STX8: variants seen among roughly 807,000 people sequenced by gnomAD.
STX8 encodes the protein syntaxin 8.
In STX8, 23 loss-of-function variants were observed where a neutral mutation model predicts 37.5. The ratio of observed to expected loss-of-function variants is 0.61; its 90% CI spans 0.44 to 0.87. STX8 has a LOEUF of 0.87. Ranked by LOEUF, STX8 falls within the 40% of genes least tolerant of loss-of-function variation. STX8 has a pLI of 0.00. For missense variants in STX8, 313 were observed against 284.7 expected (o/e 1.10, Z -0.71); for synonymous variants, 115 against 99.1 (o/e 1.16, Z -0.95).
intron 5 of STX8, among the ~76,000 whole-genome samples, chr17:9,504,444 A>ATTCCC (rs1204295398): frequency 6.6e-6 from 1 of 152,108 alleles, no homozygotes; most frequent in African/African-American, 2.4e-5. Context: ...TTGGAGACTA[A>ATTCCC]TTCCCAGTCG....
chr17:9,429,242 A>G (rs2142364399), intron 6 of STX8, among the ~76,000 whole-genome samples: 1 of 148,664 alleles, frequency 6.7e-6, no homozygotes, highest in East Asian at 1.9e-4. Flanking sequence ...TGAGATATAT[A>G]TATCTAAAAT....
intron 6 of STX8, among the ~76,000 whole-genome samples, chr17:9,452,930 C>T (rs1207947896): frequency 6.6e-6 from 1 of 152,002 alleles, no homozygotes; most frequent in African/African-American, 2.4e-5. Flanking sequence ...CTCAACCTCC[C>T]CAGTAGCTGG....
At chr17:9,345,848 C>CTTTGTTTTTTTTTTTTTT (rs1555599095) in intron 7 of STX8, among the ~76,000 whole-genome samples, 1 of 52,076 alleles carries the variant, frequency 1.9e-5, no homozygotes, top group Non-Finnish European at 3.4e-5. Context: ...TTATGCATTC[C>CTTTGTTTTTTTTTTTTTT]TTTTTTTTTT....
chr17:9,271,355 G>T (rs1907451380), intron 7 of STX8, among the ~76,000 whole-genome samples: 1 of 152,234 alleles, frequency 6.6e-6, no homozygotes, highest in African/African-American at 2.4e-5. Flanking sequence ...TCAGGTGGCT[G>T]AAGGATGAGA....
At chr17:9,516,715 C>T (rs887774069) in intron 4 of STX8, among the ~76,000 whole-genome samples, 3 of 151,950 alleles carry the variant, frequency 2.0e-5, no homozygotes, top group Admixed American at 6.6e-5. Context: ...TAGGAAAATA[C>T]GAAAAATAAT....
At chr17:9,362,694 C>A (rs1007865600) in intron 7 of STX8, among the ~76,000 whole-genome samples, 1 of 151,662 alleles carries the variant, frequency 6.6e-6, no homozygotes, top group African/African-American at 2.4e-5. Flanking sequence ...TGGTGGCGGG[C>A]GCCTGTAGTC....
At chr17:9,448,174 C>A (rs1397478886) in intron 6 of STX8, among the ~76,000 whole-genome samples, 258 of 140,202 alleles carry the variant, frequency 1.8e-3, no homozygotes, top group Middle Eastern at 3.6e-3. Flanking sequence ...GACTCCATCT[C>A]AAAAAAAAAA....
intron 7 of STX8, among the ~76,000 whole-genome samples, chr17:9,253,097 TTTCCTTTC>T (rs1906648901): frequency 6.6e-6 from 1 of 152,194 alleles, no homozygotes; most frequent in Non-Finnish European, 1.5e-5. Context: ...CATCTAGGGA[TTTCCTTTC>T]TTCCTTGTAA....
chr17:9,268,613 G>A (rs1907318614), intron 7 of STX8, among the ~76,000 whole-genome samples: 1 of 152,180 alleles, frequency 6.6e-6, no homozygotes, highest in Admixed American at 6.5e-5. Flanking sequence ...ATCCCTAAAA[G>A]TGGTCCTTCA....
intron 6 of STX8, among the ~76,000 whole-genome samples, chr17:9,430,522 C>T (rs1913918102): frequency 6.6e-6 from 1 of 151,852 alleles, no homozygotes. Flanking sequence ...CTTCCAGGTT[C>T]ATATATGTAA....
At chr17:9,502,890 G>A (rs1008944600) in intron 5 of STX8, among the ~76,000 whole-genome samples, 4 of 151,934 alleles carry the variant, frequency 2.6e-5, no homozygotes, top group Non-Finnish European at 4.4e-5. Flanking sequence ...ATCGCTTGAG[G>A]TCAGGAGTTC....
chr17:9,285,413 TA>T (rs56156370), intron 7 of STX8, among the ~76,000 whole-genome samples: 3,557 of 108,386 alleles, frequency 0.033, 99 homozygotes, highest in African/African-American at 0.11. Context: ...AAAGTAGTGA[TA>T]AAAAAAAAAA....
At chr17:9,392,464 G>T (rs566116478) in intron 6 of STX8, among the ~76,000 whole-genome samples, 22 of 152,122 alleles carry the variant, frequency 1.4e-4, no homozygotes, top group East Asian at 1.3e-3. Flanking sequence ...AAAATTAGCT[G>T]GGCATAGTGG....
At chr17:9,419,246 T>A (rs1297024699) in intron 6 of STX8, among the ~76,000 whole-genome samples, 4 of 151,006 alleles carry the variant, frequency 2.6e-5, no homozygotes, top group Admixed American at 6.6e-5. Flanking sequence ...ATTTAAAAAA[T>A]TTTTCTTAGA....
intron 6 of STX8, among the ~76,000 whole-genome samples, chr17:9,428,542 G>T (rs1385360698): frequency 6.6e-6 from 1 of 152,080 alleles, no homozygotes; most frequent in Non-Finnish European, 1.5e-5. Context: ...GTCCGGCAAA[G>T]AAATGATTCT....
Position 9,320,100 on chromosome 17 carries a change from C to T in STX8, c.643+58452G>A, listed in dbSNP as rs141621204. Among the ~76,000 whole-genome samples, 649 of 151,480 alleles carry T rather than the reference C, an allele frequency of 4.3e-3. 7 individuals carry two copies. The highest frequency in any genetic ancestry group is 0.015 in the African/African-American group (607 of 41,350). On this transcript the variant is annotated intron_variant, in intron 7 of 7. Transcript: ENST00000306357. ...CTGTAATTCCAGCACTTTGGAAGGC[C>T]GAGGTGGGCAGATCACGAGGTCAGG...
intron 7 of STX8, among the ~76,000 whole-genome samples, chr17:9,354,772 G>A (rs1043311903): frequency 2.6e-5 from 4 of 151,876 alleles, no homozygotes; most frequent in African/African-American, 4.8e-5. Flanking sequence ...AATTTTTCAC[G>A]CAGGAAAACA....
intron 5 of STX8, among the ~76,000 whole-genome samples, chr17:9,496,100 A>C (rs1320471446): frequency 2.1e-5 from 3 of 145,028 alleles, no homozygotes; most frequent in Non-Finnish European, 4.5e-5. Flanking sequence ...TTTGAGACAG[A>C]GTTTCGCTCT....
At chr17:9,559,760 A>ATATATATATATATATTTT in intron 2 of STX8, among the ~76,000 whole-genome samples, 1 of 24,494 alleles carries the variant, frequency 4.1e-5, no homozygotes, top group African/African-American at 1.9e-4. Flanking sequence ...ATATATATAT[A>ATATATATATATATATTTT]TTTTTTTTTT....
Sources: gnomAD v4.1 joint callset for allele counts (sites outside exome capture counted in the v4.1 genomes callset) on GRCh38, gnomAD v4.1.1 for gene constraint, MANE v1.5 for transcripts, NCBI Gene and HGNC (gene_info 2026-07-23, HGNC 2026-07-21) for gene names.